IQCE: variants seen among roughly 807,000 people sequenced by gnomAD.
IQCE encodes the protein IQ motif containing E.
In IQCE, 115 loss-of-function variants were observed where a neutral mutation model predicts 96.0. The ratio of observed to expected loss-of-function variants is 1.20; its 90% confidence interval spans 1.03 to 1.40. The LOEUF is 1.40. Among genes scored for constraint, IQCE ranks in the 40% most tolerant of loss-of-function variants. The probability of loss-of-function intolerance (pLI) is 0.00; values close to 1 mark genes in which losing one functional copy is unlikely to be tolerated. For missense variants in IQCE, 1,041 were observed against 909.1 expected (o/e 1.15, Z -1.87); for synonymous variants, 412 against 371.2 (o/e 1.11, Z -1.26).
intron 8 of IQCE, chr7:2,582,089 G>A (rs941185854): frequency 8.7e-5 from 41 of 469,054 alleles, no homozygotes; most frequent in Admixed American, 8.3e-4. Flanking sequence ...TGAGGAGGCC[G>A]CTGGAGCTGT....
At chr7:2,583,486 A>C (rs1050072087) in intron 9 of IQCE, 151 bp from the exon 10 acceptor site, 7 of 367,448 alleles carry the variant, frequency 1.9e-5, no homozygotes, top group Middle Eastern at 4.2e-4. Context: ...TCAAGGAACA[A>C]GTCAAATGAA....
At chr7:2,582,754 CA>C in intron 9 of IQCE, 104 bp downstream of exon 9, 1 of 942,900 alleles carries the variant, frequency 1.1e-6, no homozygotes, top group Non-Finnish European at 1.7e-6. Context: ...TCCCTACTCC[CA>C]GCCCAAAGCC....
rs558598203 is a variant in IQCE at position 2,566,645 on chromosome 7, A to AT, written c.37-463dup. On this transcript the variant is annotated intron_variant, in intron 1 of 21. Transcript: ENST00000402050. The stretch of plus-strand genomic sequence containing the variant: ...CTGGCTTATTTTTTAAATTTTTAAG[A>AT]TTTTTTTTGTAGAGACAGTGTCTCA... The AT allele has an allele frequency of 2.7e-3, 457 of 168,726 alleles. 1 individual carries two copies. Among genetic ancestry groups the AT allele is most frequent in the African/African-American group, 9.6e-3 (399 of 41,408 alleles). 10.5% of individuals were successfully genotyped at this position (168,726 alleles called of 1,614,324 possible).
Position 2,610,306 on chromosome 7 carries a change from T to G in IQCE, c.*144T>G. 1 of 628,902 alleles carries G rather than the reference T, an allele frequency of 1.6e-6. No homozygotes were observed. The highest frequency in any genetic ancestry group is 1.8e-5 in the African/African-American group (1 of 54,808). 39.0% of individuals were successfully genotyped at this position (628,902 alleles called of 1,614,324 possible). A position where few individuals can be genotyped will look rare whatever the true frequency, so the allele number is the denominator to read the frequency against. ...ATCTGCGTCGTGTCTCTTTGTGCTT[T>G]TGTTTGTGGAAGGAGACCCAAATGC... On this transcript the variant is annotated 3_prime_UTR_variant, in exon 22 of 22. Coordinates refer to ENST00000402050, the MANE Select transcript of IQCE (RefSeq NM_152558.5).
rs1785096075 is a variant in IQCE at position 2,611,279 on chromosome 7, C to G, written c.*1117C>G. On this transcript the variant is annotated 3_prime_UTR_variant, in exon 22 of 22. Transcript: ENST00000402050. ...TTGCTGGGGCGTCAAGAGGAAGAGC[C>G]TTAGACCTGGGCGGGCCTTCAGGGG... is the stretch of plus-strand genomic sequence containing the variant. 6.6e-6 allele frequency: 1 copy of G among 152,318 alleles called. No individual in the cohort carries two copies. The highest frequency in any genetic ancestry group is 1.5e-5 in the Non-Finnish European group (1 of 68,130). The allele number at this position is 152,318 out of a possible 1,614,324, so 9.4% of individuals were successfully genotyped here.
At position 2,611,312 on chromosome 7, in the gene IQCE, A is replaced by G. The variant is rs1785097443; in HGVS notation, c.*1150A>G. The G allele has an allele frequency of 6.6e-6, 1 of 151,984 alleles. No homozygotes were observed. The highest frequency in any genetic ancestry group is 6.6e-5 in the Admixed American group (1 of 15,264). The allele number at this position is 151,984 out of a possible 1,614,324, so 9.4% of individuals were successfully genotyped here. On this transcript the variant is annotated 3_prime_UTR_variant, in exon 22 of 22. Coordinates refer to ENST00000402050, the MANE Select transcript of IQCE (RefSeq NM_152558.5). ...TGGGCGGGCCTTCAGGGGCATCTAG[A>G]CCCCTGCACAGCCCAGGCCTGGTGT...
chr7:2,589,899 G>T lies in IQCE; in HGVS notation c.1045-8G>T. ...CTAGTATCTAACACATGTCTGTGTT[G>T]CCTCCAGAAACTAAGTGTGATGGAG... On this transcript the variant is annotated splice_region_variant and splice_polypyrimidine_tract_variant and intron_variant, in intron 13 of 21. Transcript: ENST00000402050. 6.2e-7 allele frequency: 1 copy of T among 1,612,972 alleles called. No individual in the cohort carries two copies. Among genetic ancestry groups the T allele is most frequent in the Non-Finnish European group, 8.5e-7 (1 of 1,179,404 alleles).
chr7:2,598,763 C>T, intron 17 of IQCE, 131 bp downstream of exon 17: 4 of 769,998 alleles, frequency 5.2e-6, no homozygotes, highest in Non-Finnish European at 5.6e-6. Context: ...CCGTAACATA[C>T]AGAAAATGAA....
At position 2,614,047 on chromosome 7, in the gene IQCE, A is replaced by C. The variant is rs567494452; in HGVS notation, c.*3885A>C. 1 of 152,350 alleles carries C rather than the reference A, an allele frequency of 6.6e-6. No individual in the cohort carries two copies. The highest frequency in any genetic ancestry group is 1.9e-4 in the East Asian group (1 of 5,190). 9.4% of individuals were successfully genotyped at this position (152,350 alleles called of 1,614,324 possible). On this transcript the variant is annotated 3_prime_UTR_variant, in exon 22 of 22. Transcript: ENST00000402050. The stretch of plus-strand genomic sequence containing the variant: ...GCGCTGGCTGTGGTCTGTCTGCTGA[A>C]TGTCTATTTTTGTCTCCTGACGAGA...
chr7:2,580,310 A>T (rs1368097745), intron 8 of IQCE: 1 of 147,786 alleles, frequency 6.8e-6, no homozygotes, highest in African/African-American at 2.6e-5. Context: ...AAAAAAAAAG[A>T]TTTTAAAAGT....
intron 20 of IQCE, among the ~76,000 whole-genome samples, chr7:2,606,561 C>G (rs890244844): frequency 6.6e-6 from 1 of 152,158 alleles, no homozygotes; most frequent in African/African-American, 2.4e-5. Context: ...TGCTTCACCC[C>G]GCATGGGGTT....
At chr7:2,577,049 A>C (rs951688212) in intron 6 of IQCE, among the ~76,000 whole-genome samples, 12 of 151,936 alleles carry the variant, frequency 7.9e-5, no homozygotes, top group African/African-American at 2.4e-4. Context: ...CCAGCCTTCC[A>C]CGTCCCCACC....
At chr7:2,568,863 C>A in intron 2 of IQCE, 91 bp from the exon 3 acceptor site, 1 of 1,209,666 alleles carries the variant, frequency 8.3e-7, no homozygotes, top group Admixed American at 1.8e-5. Context: ...TGCTCTTACA[C>A]GACCCCTGAC....
chr7:2,569,605 G>A (rs931095266), intron 3 of IQCE, among the ~76,000 whole-genome samples: 11 of 152,144 alleles, frequency 7.2e-5, no homozygotes, highest in Non-Finnish European at 1.5e-4. Flanking sequence ...TGCCGCTCTC[G>A]TGTACAGCAG....
intron 20 of IQCE, 28 bp from the exon 21 acceptor site, chr7:2,607,096 T>A: frequency 2.6e-6 from 4 of 1,566,220 alleles, no homozygotes; most frequent in Non-Finnish European, 3.5e-6. Context: ...AAAAGCAGAA[T>A]CAGCTGGCGT....
At chr7:2,579,553 G>A (rs1782490015) in intron 8 of IQCE, among the ~76,000 whole-genome samples, 1 of 152,176 alleles carries the variant, frequency 6.6e-6, no homozygotes, top group Non-Finnish European at 1.5e-5. Context: ...ATAGAATGTA[G>A]AAAGATTGTA....
In IQCE at chr7:2,571,589, G is replaced by T. The variant is rs1278124430; in HGVS notation, c.194G>T (p.Ser65Ile). ...TGGAGGTCCCTCAGGACGGCAGGGA[G>T]CATGCCTCTGGGCGGCCGAGCGTCC... is the stretch of plus-strand genomic sequence containing the variant. ...ASWRSLRTAGSMPLGGRASLT... is the reference protein window; with the variant it reads ...ASWRSLRTAGIMPLGGRASLT... The change falls in exon 4 of 22, where the codon AGC (serine) becomes ATC (isoleucine). Residue 65 changes from serine to isoleucine, a missense_variant. Ser to Ile is a moderately radical substitution (Grantham distance 142). Coordinates refer to ENST00000402050, the MANE Select transcript of IQCE (RefSeq NM_152558.5). The T allele has an allele frequency of 3.7e-6, 6 of 1,603,612 alleles. No individual in the cohort carries two copies. The highest frequency in any genetic ancestry group is 5.1e-6 in the Non-Finnish European group (6 of 1,179,966).
At chr7:2,570,937 G>A (rs762739845) in intron 3 of IQCE, among the ~76,000 whole-genome samples, 2 of 152,154 alleles carry the variant, frequency 1.3e-5, no homozygotes, top group Non-Finnish European at 2.9e-5. Flanking sequence ...GTAAGAACAC[G>A]CACATCTCTC....
At chr7:2,565,308 A>G (rs976753014) in intron 1 of IQCE, among the ~76,000 whole-genome samples, 3 of 151,700 alleles carry the variant, frequency 2.0e-5, no homozygotes, top group African/African-American at 7.3e-5. Flanking sequence ...GGTGTCATGG[A>G]TCCTTGGGCT....
Sources: allele counts gnomAD v4.1 joint callset (sites outside exome capture counted in the v4.1 genomes callset), GRCh38; gene constraint gnomAD v4.1.1; transcripts MANE v1.5; gene names NCBI Gene and HGNC (gene_info 2026-07-23, HGNC 2026-07-21).